ISM2: variants seen among roughly 807,000 people sequenced by gnomAD.
ISM2 encodes isthmin 2.
In ISM2, 50 loss-of-function variants were observed where a neutral mutation model predicts 58.0. That is an observed-to-expected ratio of 0.86 (90% CI 0.69 to 1.09). ISM2 has a LOEUF of 1.09. ISM2 is among the 50% of genes least tolerant of loss of function. The probability of loss-of-function intolerance (pLI) is 0.00; values close to 1 mark genes in which losing one functional copy is unlikely to be tolerated. For synonymous variants in ISM2, 303 were observed against 312.4 expected, an observed-to-expected ratio of 0.97 and a Z score of 0.32; for missense variants, 723 against 745.0, an observed-to-expected ratio of 0.97 and a Z score of 0.34.
chr14:77,482,264 A>AT, intron 4 of ISM2, 58 bp downstream of exon 4: 1 of 1,361,960 alleles, frequency 7.3e-7, no homozygotes, highest in Non-Finnish European at 1.0e-6. Flanking sequence ...CCTCACCCCC[A>AT]TTTCCACTCA....
intron 6 of ISM2, among the ~76,000 whole-genome samples, chr14:77,477,719 G>C (rs2079106817): frequency 6.6e-6 from 1 of 152,162 alleles, no homozygotes; most frequent in African/African-American, 2.4e-5. Flanking sequence ...GCTGTGCTGA[G>C]TGCAACCCTT....
intron 1 of ISM2, among the ~76,000 whole-genome samples, chr14:77,496,164 G>A (rs1234559445): frequency 3.6e-5 from 5 of 140,524 alleles, no homozygotes; most frequent in Admixed American, 7.4e-5. Context: ...GCAGTGAGCC[G>A]AGATTGAGCA....
At chr14:77,481,407 C>T (rs1594948052) in intron 4 of ISM2, among the ~76,000 whole-genome samples, 1 of 151,970 alleles carries the variant, frequency 6.6e-6, no homozygotes, top group South Asian at 2.1e-4. Flanking sequence ...ATTTTCTGAA[C>T]AGTTTGTGCT....
intron 3 of ISM2, 136 bp from the exon 4 acceptor site, chr14:77,482,803 C>G (rs992782166): frequency 3.3e-6 from 2 of 599,418 alleles, no homozygotes; most frequent in Non-Finnish European, 5.7e-6. Flanking sequence ...TCTTGGCTGA[C>G]ATTTTTGGCT....
intron 1 of ISM2, among the ~76,000 whole-genome samples, chr14:77,492,698 ATTAAT>A (rs1425938136): frequency 6.6e-6 from 1 of 151,936 alleles, no homozygotes; most frequent in African/African-American, 2.4e-5. Context: ...CTTTTATTTA[ATTAAT>A]TTATTTATTT....
chr14:77,477,464 A>G (rs1033734501), intron 6 of ISM2, among the ~76,000 whole-genome samples: 1 of 152,198 alleles, frequency 6.6e-6, no homozygotes, highest in African/African-American at 2.4e-5. Flanking sequence ...GGGAAATGGT[A>G]ACACAGGAGA....
rs755665559 is a variant in ISM2 at position 77,484,383 on chromosome 14, C to T, written c.567G>A (p.Glu189=). ...RTQEVTPLLL[E]LQKLPELVHA... ...GGACCAATTCTGGCAGCTTCTGCAG[C>T]TCCAGCAGCAAGGGAGTAACCTCCT... is the stretch of plus-strand genomic sequence containing the variant. The change falls in exon 3 of 7, where the codon GAG becomes GAA. Residue 189 remains glutamate (E), a synonymous_variant. Coordinates refer to ENST00000342219, the MANE Select transcript of ISM2 (RefSeq NM_199296.3). 3.1e-6 allele frequency: 5 copies of T among 1,612,788 alleles called. No individual in the cohort carries two copies. Among genetic ancestry groups the T allele is most frequent in the Non-Finnish European group, 3.4e-6 (4 of 1,179,466 alleles).
At chr14:77,478,117 CCAG>C in intron 6 of ISM2, 122 bp downstream of exon 6, 1 of 793,132 alleles carries the variant, frequency 1.3e-6, no homozygotes, top group East Asian at 2.5e-5. Context: ...AGCAAACCTT[CCAG>C]ATGGAAGCTG....
In ISM2 at chr14:77,478,257, C is replaced by G; in HGVS notation, c.1183G>C (p.Asp395His). The stretch of plus-strand genomic sequence containing the variant: ...CCTCACTCACCTTGATCATGCATGT[C>G]CGTAGCATTGCGGGCCAGGAGCTTC... ...EWKLLARNAT[D>H]MHDQDVDSCE... The change falls in exon 6 of 7, where the codon GAC becomes CAC. Residue 395 changes from aspartate (D) to histidine (H), a missense_variant. Coordinates refer to ENST00000342219, the MANE Select transcript of ISM2 (RefSeq NM_199296.3). 6.2e-7 allele frequency: 1 copy of G among 1,614,126 alleles called. No individual in the cohort carries two copies. The highest frequency in any genetic ancestry group is 1.1e-5 in the South Asian group (1 of 91,078).
intron 1 of ISM2, among the ~76,000 whole-genome samples, chr14:77,497,439 C>T (rs1330932556): frequency 6.7e-6 from 1 of 149,436 alleles, no homozygotes; most frequent in Non-Finnish European, 1.5e-5. Context: ...AATACTGGCA[C>T]TATGGGAGGC....
intron 3 of ISM2, among the ~76,000 whole-genome samples, chr14:77,483,079 A>C (rs2079143015): frequency 6.6e-6 from 1 of 152,202 alleles, no homozygotes; most frequent in South Asian, 2.1e-4. Flanking sequence ...CTGGAAGCTG[A>C]GTGCTCCCGA....
rs757488139 is a variant in ISM2 at position 77,475,990 on chromosome 14, G to C, written c.1321C>G (p.Pro441Ala). ...TGGTGCTCGTCCTGTAGGCTCACAG[G>C]GCTGTCCATGGCCTCCAGTGGGTAG... ...CAYPLEAMDS[P>A]VSLQDEHQGR... Residue 441 changes from proline to alanine, a missense_variant, in exon 7 of 7, where the codon CCT becomes GCT. Coordinates refer to ENST00000342219, the MANE Select transcript of ISM2 (RefSeq NM_199296.3). This position sits in a 1 kb window ranked among gnomAD's most constrained non-coding sequence, Gnocchi z 4.1. The C allele has an allele frequency of 3.8e-6, 6 of 1,590,772 alleles. No homozygotes were observed. The highest frequency in any genetic ancestry group is 5.1e-6 in the Non-Finnish European group (6 of 1,173,428).
At position 77,484,927 on chromosome 14, in the gene ISM2, A is replaced by G; in HGVS notation, c.142-8T>C. 1 of 1,536,796 alleles carries G rather than the reference A, an allele frequency of 6.5e-7. No individual in the cohort carries two copies. The highest frequency in any genetic ancestry group is 8.7e-7 in the Non-Finnish European group (1 of 1,144,110). On this transcript the variant is annotated splice_region_variant and splice_polypyrimidine_tract_variant and intron_variant, in intron 1 of 6. Coordinates refer to ENST00000342219, the MANE Select transcript of ISM2 (RefSeq NM_199296.3). ...ATCTGGGGAGGCTGAGACCTGAGGGAGAGAGAAGGAAGGTAAGGTAACAGG... is the reference window on the plus strand; with the variant it reads ...ATCTGGGGAGGCTGAGACCTGAGGGGGAGAGAAGGAAGGTAAGGTAACAGG...
chr14:77,482,585 T>A lies in ISM2; in HGVS notation c.710A>T (p.Asp237Val), dbSNP rs760142895. The change falls in exon 4 of 7, where the codon GAT becomes GTT. Residue 237 changes from aspartate to valine, a missense_variant. Coordinates refer to ENST00000342219, the MANE Select transcript of ISM2 (RefSeq NM_199296.3). ...GAGGGCGGGCAGCCAGCTAAGGGTA[T>A]CCTGGGGCGGGGGATTGCTGGGCTC... ...LAEPSNPPPQ[D>V]TLSWLPALWS... 1.2e-6 allele frequency: 2 copies of A among 1,612,556 alleles called. No individual in the cohort carries two copies. Among genetic ancestry groups the A allele is most frequent in the Middle Eastern group, 1.7e-4 (1 of 6,046 alleles).
intron 6 of ISM2, among the ~76,000 whole-genome samples, chr14:77,477,395 C>T (rs996164613): frequency 1.3e-5 from 2 of 152,180 alleles, no homozygotes; most frequent in Admixed American, 1.3e-4. Context: ...GGGACTGGAA[C>T]CTTCCCCAGG....
chr14:77,478,466 T>G (rs2139955021), intron 5 of ISM2, 109 bp downstream of exon 5: 2 of 1,473,754 alleles, frequency 1.4e-6, no homozygotes, highest in Non-Finnish European at 1.9e-6. Flanking sequence ...CACCATGTTT[T>G]TGAGCTTCCT....
chr14:77,481,939 A>C (rs1340872913), intron 4 of ISM2, among the ~76,000 whole-genome samples: 1 of 151,164 alleles, frequency 6.6e-6, no homozygotes, highest in African/African-American at 2.4e-5. Flanking sequence ...ATCACTACTA[A>C]AAATAAAAAA....
intron 6 of ISM2, 103 bp from the exon 7 acceptor site, chr14:77,476,215 GC>G: frequency 1.5e-6 from 2 of 1,317,130 alleles, no homozygotes; most frequent in Non-Finnish European, 2.0e-6. Context: ...GAAGGCCCAG[GC>G]CCCAGCTGGT....
rs1172723498 is a variant in ISM2, at chr14:77,475,663, G to C, written c.1648C>G (p.Arg550Gly). Residue 550 changes from arginine (R) to glycine (G), a missense_variant, in exon 7 of 7, where the codon CGA becomes GGA. Transcript: ENST00000342219. This position sits in a 1 kb window ranked among gnomAD's most constrained non-coding sequence, Gnocchi z 4.1. ...TCCAGGGGGTTGTCGGTGCAGGCTC[G>C]GCCGTTGTTGGGAGGGAGCACAGCG... ...LHAVLPPNNG[R>G]ACTDNPLEEE... 7 of 1,613,368 alleles carry C rather than the reference G, an allele frequency of 4.3e-6. No homozygotes were observed. In the African/African-American group the frequency reaches 5.3e-5, roughly 12 times the overall value.
Sources: gnomAD v4.1 joint callset for allele counts (sites outside exome capture counted in the v4.1 genomes callset) on GRCh38, gnomAD v4.1.1 for gene constraint, Gnocchi (gnomAD v3.1) non-coding constraint, MANE v1.5 for transcripts, NCBI Gene and HGNC (gene_info 2026-07-23, HGNC 2026-07-21) for gene names.